The following SPNS2 variants were observed in gnomAD, a reference collection of about 807,000 sequenced individuals.
SPNS2 encodes the protein SPNS lysolipid transporter 2, sphingosine-1-phosphate.
In SPNS2, 37 loss-of-function variants were observed where a neutral mutation model predicts 57.6. The observed-to-expected ratio is 0.64, with a 90% CI of 0.49 to 0.85. The LOEUF is 0.85. SPNS2 is among the 40% of genes least tolerant of loss of function. SPNS2 has a pLI of 0.00. For synonymous variants in SPNS2, 440 were observed against 346.9 expected (o/e 1.27, Z -2.98); for missense variants, 831 against 779.1 (o/e 1.07, Z -0.79).
At chr17:4,533,920 T>TG in intron 9 of SPNS2, 67 bp downstream of exon 9, 5 of 938,002 alleles carry the variant, frequency 5.3e-6, no homozygotes, top group Non-Finnish European at 8.3e-6. Context: ...CAGGGGTGCC[T>TG]GGGGAGGGCG....
intron 1 of SPNS2, among the ~76,000 whole-genome samples, chr17:4,506,516 C>G (rs1904682442): frequency 6.6e-6 from 1 of 152,168 alleles, no homozygotes; most frequent in Non-Finnish European, 1.5e-5. Context: ...CCAGATTGCT[C>G]AGGCAGAGCC....
chr17:4,526,292 G>A (rs1430393048), intron 3 of SPNS2, among the ~76,000 whole-genome samples: 1 of 152,162 alleles, frequency 6.6e-6, no homozygotes, highest in African/African-American at 2.4e-5. Context: ...ATGCAGAAAT[G>A]GTGGAGTGTG....
At chr17:4,535,008 C>T (rs1465555402) in intron 9 of SPNS2, among the ~76,000 whole-genome samples, 1 of 152,192 alleles carries the variant, frequency 6.6e-6, no homozygotes, top group East Asian at 1.9e-4. Context: ...GGCCCTTTTC[C>T]ACCCGCCCCC....
At chr17:4,516,459 G>A (rs1202518787) in intron 2 of SPNS2, among the ~76,000 whole-genome samples, 2 of 152,130 alleles carry the variant, frequency 1.3e-5, no homozygotes, top group Admixed American at 1.3e-4. Context: ...GCTGGGCTCT[G>A]CCCAGACTCA....
At chr17:4,520,308 G>C (rs1045522188) in intron 2 of SPNS2, among the ~76,000 whole-genome samples, 2 of 152,228 alleles carry the variant, frequency 1.3e-5, no homozygotes, top group African/African-American at 4.8e-5. Flanking sequence ...TAAGTGAGGA[G>C]CCAGAAACCA....
intron 11 of SPNS2, 193 bp downstream of exon 11, chr17:4,536,619 G>T (rs1436613632): frequency 5.4e-6 from 4 of 742,762 alleles, no homozygotes; most frequent in Admixed American, 5.7e-5. Context: ...GGCCACGGGG[G>T]TGTCTGGTGG....
At chr17:4,506,175 G>A (rs1014680000) in intron 1 of SPNS2, among the ~76,000 whole-genome samples, 7 of 152,132 alleles carry the variant, frequency 4.6e-5, no homozygotes, top group African/African-American at 1.2e-4. Context: ...CCTCTGTCCC[G>A]CTCACCTTCT....
chr17:4,499,136 C>T lies in SPNS2; in HGVS notation c.89C>T (p.Ala30Val). The T allele has an allele frequency of 2.6e-6, 3 of 1,161,992 alleles. No homozygotes were observed. Among genetic ancestry groups the T allele is most frequent in the Non-Finnish European group, 3.2e-6 (3 of 942,880 alleles). The allele number at this position is 1,161,992 out of a possible 1,614,324, so 72.0% of individuals were successfully genotyped here. The change falls in exon 1 of 13, where the codon GCG becomes GTG. Residue 30 changes from alanine (A) to valine (V), a missense_variant. By Grantham distance (64) the Ala-to-Val change is moderately conservative. This residue lies in a region of SPNS2 where 305 missense variants were observed against 378.3 expected (regional missense o/e 0.81). Transcript: ENST00000329078. The surrounding 1 kb of genome is among the most constrained non-coding windows in gnomAD (Gnocchi z 5.2). Reference sequence around the variant, plus strand: ...GAGCGGCGGCGCCGGCGCCGGGGGGCGCAGCGAGGGGCTGGCGGTAGCGGT... The same window carrying T: ...GAGCGGCGGCGCCGGCGCCGGGGGGTGCAGCGAGGGGCTGGCGGTAGCGGT... ...DAERRRRRRG[A>V]QRGAGGSGCC...
At chr17:4,508,928 A>G (rs1904754174) in intron 1 of SPNS2, among the ~76,000 whole-genome samples, 1 of 152,162 alleles carries the variant, frequency 6.6e-6, no homozygotes, top group African/African-American at 2.4e-5. Context: ...CTTAGAACTC[A>G]GTAGGAGATT....
Position 4,499,174 on chromosome 17 carries a change from C to A in SPNS2, c.127C>A (p.Arg43=). 1 of 1,232,336 alleles carries A rather than the reference C, an allele frequency of 8.1e-7. No individual in the cohort carries two copies. The highest frequency in any genetic ancestry group is 1.0e-6 in the Non-Finnish European group (1 of 988,828). 76.3% of individuals were successfully genotyped at this position (1,232,336 alleles called of 1,614,324 possible). A position where few individuals can be genotyped will look rare whatever the true frequency, so the allele number is the denominator to read the frequency against. The change falls in exon 1 of 13, where the codon CGG becomes AGG. Residue 43 remains arginine (R), a synonymous_variant. Coordinates refer to ENST00000329078, the MANE Select transcript of SPNS2 (RefSeq NM_001124758.3). This position sits in a 1 kb window ranked among gnomAD's most constrained non-coding sequence, Gnocchi z 5.2. ...TGGCGGTAGCGGTTGCTGCGGGGCG[C>A]GGGGCGCGGGCGGCGCTGGAGTCTC... The part of the protein sequence containing the change: ...GAGGSGCCGA[R]GAGGAGVSAA...
Position 4,538,481 on chromosome 17 carries a change from A to C in SPNS2, c.*1033A>C. 9.6e-6 allele frequency: 2 copies of C among 209,248 alleles called. No individual in the cohort carries two copies. The highest frequency in any genetic ancestry group is 7.2e-5 in the South Asian group (1 of 13,914). The allele number at this position is 209,248 out of a possible 1,614,324, so 13.0% of individuals were successfully genotyped here. A position where few individuals can be genotyped will look rare whatever the true frequency, so the allele number is the denominator to read the frequency against. On this transcript the variant is annotated 3_prime_UTR_variant, in exon 13 of 13. Coordinates refer to ENST00000329078, the MANE Select transcript of SPNS2 (RefSeq NM_001124758.3). ...CACCAAGTGACCCCAGGGGGGGGCC[A>C]GGCCTTCGATCACCCACCTCCCATC...
At position 4,525,026 on chromosome 17, in the gene SPNS2, G is replaced by A; in HGVS notation, c.437-31G>A. 1.9e-6 allele frequency: 3 copies of A among 1,607,546 alleles called. No individual in the cohort carries two copies. The South Asian group carries it at 3.3e-5, about 18-fold the overall frequency. On this transcript the variant is annotated intron_variant, in intron 2 of 12. Coordinates refer to ENST00000329078, the MANE Select transcript of SPNS2 (RefSeq NM_001124758.3). ...CGGGAGGCCGGGGCGCAGGGACCTG[G>A]GCCCCCCCTCAAGCTCTCCTCTCCC...
chr17:4,537,196 A>AGGGCCAGGAC (rs1261872044), intron 12 of SPNS2, among the ~76,000 whole-genome samples: 3 of 151,016 alleles, frequency 2.0e-5, no homozygotes, highest in Non-Finnish European at 2.9e-5. Context: ...CGCATAGATC[A>AGGGCCAGGAC]GGGCCAGGAC....
At position 4,537,667 on chromosome 17, in the gene SPNS2, G is replaced by A. The variant is rs1008890487; in HGVS notation, c.*219G>A. On this transcript the variant is annotated 3_prime_UTR_variant, in exon 13 of 13. Coordinates refer to ENST00000329078, the MANE Select transcript of SPNS2 (RefSeq NM_001124758.3). ...ATGTGTGTGTTGGAGCCACACGGTT[G>A]GACAGGTTCCCAGCCCTAGGTTTGG... 6 of 456,658 alleles carry A rather than the reference G, an allele frequency of 1.3e-5. No homozygotes were observed. The highest frequency in any genetic ancestry group is 4.0e-5 in the African/African-American group (2 of 50,092). 28.3% of individuals were successfully genotyped at this position (456,658 alleles called of 1,614,324 possible). A position where few individuals can be genotyped will look rare whatever the true frequency, so the allele number is the denominator to read the frequency against.
rs79505518 is a variant in SPNS2, at chr17:4,536,086, T to C, written c.1355T>C (p.Ile452Thr). The C allele has an allele frequency of 6.2e-6, 10 of 1,611,646 alleles. No homozygotes were observed. Among genetic ancestry groups the C allele is most frequent in the Non-Finnish European group, 7.6e-6 (9 of 1,179,690 alleles). Residue 452 changes from isoleucine (I) to threonine (T), a missense_variant, in exon 10 of 13, where the codon ATC (isoleucine) becomes ACC (threonine). Ile to Thr is a moderately conservative substitution (Grantham distance 89, BLOSUM62 -1). Transcript: ENST00000329078. Reference protein sequence around the residue: ...ITADILMYVVIPTRRATAVAL... With the variant: ...ITADILMYVVTPTRRATAVAL... The stretch of plus-strand genomic sequence containing the variant: ...CCGCCTGTTCCGCAGTACGTGGTCA[T>C]CCCCACGCGGCGCGCCACTGCCGTG...
chr17:4,526,186 G>C (rs924616921), intron 3 of SPNS2, among the ~76,000 whole-genome samples: 1 of 152,204 alleles, frequency 6.6e-6, no homozygotes, highest in African/African-American at 2.4e-5. Context: ...GTCAGGGAGG[G>C]CTTCCTGGAG....
At position 4,499,299 on chromosome 17, in the gene SPNS2, A is replaced by C. The variant is rs894658290; in HGVS notation, c.252A>C (p.Ala84=). The C allele has an allele frequency of 1.3e-4, 188 of 1,494,024 alleles. No individual in the cohort carries two copies. The highest frequency in any genetic ancestry group is 1.6e-4 in the Non-Finnish European group (176 of 1,128,624). The allele number at this position is 1,494,024 out of a possible 1,614,324, so 92.5% of individuals were successfully genotyped here. ...GCACCCCCGGCTGCGCAGCTACTGCAAAGGGCCCCGGCGCTCAGCAGCCCA... is the reference window on the plus strand; with the variant it reads ...GCACCCCCGGCTGCGCAGCTACTGCCAAGGGCCCCGGCGCTCAGCAGCCCA... The part of the protein sequence containing the change: ...TPGTPGCAAT[A]KGPGAQQPKP... Residue 84 remains alanine (A), a synonymous_variant, in exon 1 of 13, where the codon GCA becomes GCC. Transcript: ENST00000329078. The surrounding 1 kb of genome is among the most constrained non-coding windows in gnomAD (Gnocchi z 5.2).
chr17:4,538,885 C>G lies in SPNS2; in HGVS notation c.*1437C>G. 1.3e-6 allele frequency: 1 copy of G among 781,292 alleles called. No individual in the cohort carries two copies. Among genetic ancestry groups the G allele is most frequent in the East Asian group, 2.4e-5 (1 of 41,248 alleles). The allele number at this position is 781,292 out of a possible 1,614,324, so 48.4% of individuals were successfully genotyped here. The stretch of plus-strand genomic sequence containing the variant: ...GCCCCAGCGATGTTTTCTTGTTGTA[C>G]AAGAACCAGGTCCGAGTGTTGCCTC... On this transcript the variant is annotated 3_prime_UTR_variant, in exon 13 of 13. Coordinates refer to ENST00000329078, the MANE Select transcript of SPNS2 (RefSeq NM_001124758.3).
At chr17:4,516,905 C>A (rs535865302) in intron 2 of SPNS2, among the ~76,000 whole-genome samples, 1 of 152,134 alleles carries the variant, frequency 6.6e-6, no homozygotes, top group Non-Finnish European at 1.5e-5. Flanking sequence ...AAGCTTGTTA[C>A]GGTATTTTCA....
Sources: allele counts gnomAD v4.1 joint callset (sites outside exome capture counted in the v4.1 genomes callset), GRCh38; gene constraint gnomAD v4.1.1; regional missense constraint gnomAD v4.1.1; non-coding constraint Gnocchi (gnomAD v3.1); transcripts MANE v1.5; gene names NCBI Gene and HGNC (gene_info 2026-07-23, HGNC 2026-07-21).